Variants in TUSC3 observed in about 807,000 individuals in gnomAD.
The protein encoded by TUSC3 is tumor suppressor candidate 3.
In TUSC3, 45 loss-of-function variants were observed where a neutral mutation model predicts 44.8. The observed-to-expected ratio is 1.00, with a 90% confidence interval of 0.79 to 1.29. The LOEUF is 1.29. TUSC3 is among the 50% of genes most tolerant of loss of function. The pLI is 0.00. For missense variants in TUSC3, 519 were observed against 437.9 expected (o/e 1.19, Z -1.65); for synonymous variants, 212 against 152.9 (o/e 1.39, Z -2.85).
intron 6 of TUSC3, among the ~76,000 whole-genome samples, chr8:15,725,456 T>G (rs544296179): frequency 6.6e-6 from 1 of 152,296 alleles, no homozygotes; most frequent in South Asian, 2.1e-4. Flanking sequence ...AAAAACAAAT[T>G]ACTCACTGGC....
chr8:15,815,642 G>T, the TUSC3 span, among the ~76,000 whole-genome samples: 1 of 152,070 alleles, frequency 6.6e-6, no homozygotes, highest in Non-Finnish European at 1.5e-5. Flanking sequence ...TATTCCCAGG[G>T]CAAACGTTAG....
intron 7 of TUSC3, among the ~76,000 whole-genome samples, chr8:15,738,827 C>CTTTTTTTTTCTTTCTT (rs1554484836): frequency 4.6e-5 from 4 of 87,172 alleles, no homozygotes; most frequent in Admixed American, 1.5e-4. Flanking sequence ...ATATATCTTG[C>CTTTTTTTTTCTTTCTT]TTTTTTTTTT....
At chr8:15,550,921 C>A (rs1263933044) in intron 1 of TUSC3, among the ~76,000 whole-genome samples, 1 of 151,738 alleles carries the variant, frequency 6.6e-6, no homozygotes, top group Non-Finnish European at 1.5e-5. Context: ...ATCTGCCCGC[C>A]TCGGCCTCCC....
At chr8:15,524,995 T>G (rs187765844) in intron 2 of TUSC3, among the ~76,000 whole-genome samples, 1 of 152,336 alleles carries the variant, frequency 6.6e-6, no homozygotes, top group Non-Finnish European at 1.5e-5. Flanking sequence ...AGAATAATTT[T>G]AGAACACTGA....
At chr8:15,757,904 T>A in intron 10 of TUSC3, 49 bp downstream of exon 10, 2 of 1,448,880 alleles carry the variant, frequency 1.4e-6, no homozygotes, top group Non-Finnish European at 1.9e-6. Context: ...ATTTTTCAAA[T>A]ATAGAGAGTA....
intron 9 of TUSC3, chr8:15,748,883 A>G (rs1205401782): frequency 2.6e-6 from 1 of 391,652 alleles, no homozygotes; most frequent in Non-Finnish European, 4.9e-6. Context: ...AATAAGAGCC[A>G]ACATGAAAGG....
At chr8:15,583,783 G>C (rs541620659) in intron 1 of TUSC3, among the ~76,000 whole-genome samples, 61 of 152,144 alleles carry the variant, frequency 4.0e-4, no homozygotes, top group African/African-American at 1.4e-3. Context: ...GCAAGTATTG[G>C]AAGAGTACAT....
At chr8:15,544,435 GTAGC>G in intron 1 of TUSC3, among the ~76,000 whole-genome samples, 1 of 151,826 alleles carries the variant, frequency 6.6e-6, no homozygotes, top group Admixed American at 6.6e-5. Flanking sequence ...ATGAATGTGA[GTAGC>G]TAATAGGCCA....
chr8:15,420,225 G>C (rs181044397), intron 1 of TUSC3, among the ~76,000 whole-genome samples: 1 of 152,008 alleles, frequency 6.6e-6, no homozygotes, highest in African/African-American at 2.4e-5. Flanking sequence ...GGCCAGGTAC[G>C]ATGGTTCATG....
At chr8:15,825,231 G>T in the TUSC3 span, among the ~76,000 whole-genome samples, 32 of 152,174 alleles carry the variant, frequency 2.1e-4, no homozygotes, top group East Asian at 6.2e-3. Context: ...TTCTCATGCT[G>T]CTGATAAAGA....
intron 1 of TUSC3, among the ~76,000 whole-genome samples, chr8:15,592,582 G>A (rs1803887047): frequency 6.6e-6 from 1 of 152,102 alleles, no homozygotes; most frequent in African/African-American, 2.4e-5. Context: ...TGATACATTG[G>A]CTCCCCCTTT....
intron 1 of TUSC3, among the ~76,000 whole-genome samples, chr8:15,446,256 G>T (rs1419569492): frequency 6.6e-6 from 1 of 151,620 alleles, no homozygotes; most frequent in Admixed American, 6.6e-5. Context: ...GATGGCGGCC[G>T]GGAAGAGGCG....
intron 7 of TUSC3, among the ~76,000 whole-genome samples, chr8:15,736,842 C>T (rs112091128): frequency 2.6e-5 from 4 of 152,152 alleles, no homozygotes; most frequent in African/African-American, 9.6e-5. Flanking sequence ...ACTGAATTCA[C>T]CAAGATATGG....
chr8:15,796,587 A>C, the TUSC3 span, among the ~76,000 whole-genome samples: 1 of 152,170 alleles, frequency 6.6e-6, no homozygotes, highest in Non-Finnish European at 1.5e-5. Flanking sequence ...TATTGTTGTA[A>C]TTCAACTCAG....
chr8:15,429,831 C>T (rs1315804287), intron 1 of TUSC3, among the ~76,000 whole-genome samples: 1 of 151,596 alleles, frequency 6.6e-6, no homozygotes, highest in Admixed American at 6.6e-5. Flanking sequence ...TACAAACTAC[C>T]ATCAGAGAAT....
chr8:15,756,417 T>A (rs1811931326), intron 9 of TUSC3, among the ~76,000 whole-genome samples: 1 of 152,180 alleles, frequency 6.6e-6, no homozygotes, highest in Non-Finnish European at 1.5e-5. Flanking sequence ...AAGTACTCAC[T>A]TTCACTTACC....
At chr8:15,426,069 C>G (rs1180674325) in intron 1 of TUSC3, among the ~76,000 whole-genome samples, 1 of 152,054 alleles carries the variant, frequency 6.6e-6, no homozygotes, top group African/African-American at 2.4e-5. Context: ...AAATATATTC[C>G]TTTATTTTTA....
At chr8:15,553,845 G>A (rs1309285591) in intron 1 of TUSC3, among the ~76,000 whole-genome samples, 2 of 151,696 alleles carry the variant, frequency 1.3e-5, no homozygotes, top group Non-Finnish European at 2.9e-5. Context: ...AATGGGAAGT[G>A]GAGAACAGCT....
the TUSC3 span, among the ~76,000 whole-genome samples, chr8:15,794,191 G>A: frequency 6.6e-6 from 1 of 152,246 alleles, no homozygotes; most frequent in Admixed American, 6.5e-5. Flanking sequence ...CATCATTTGG[G>A]CCTTTGAGAA....
Sources: gnomAD v4.1 joint callset for allele counts (sites outside exome capture counted in the v4.1 genomes callset) on GRCh38, gnomAD v4.1.1 for gene constraint, MANE v1.5 for transcripts, NCBI Gene and HGNC (gene_info 2026-07-23, HGNC 2026-07-21) for gene names.